GALNT13: variants seen among roughly 807,000 people sequenced by gnomAD.
The protein encoded by GALNT13 is UDP-GalNAc:polypeptide N-acetylgalactosaminyltransferase 13.
A neutral mutation model predicts 64.2 loss-of-function variants in GALNT13; 28 were observed. The ratio of observed to expected loss-of-function variants is 0.44; its 90% CI spans 0.32 to 0.60. GALNT13 has a LOEUF of 0.60. Ranked by LOEUF, GALNT13 falls within the 20% of genes least tolerant of loss-of-function variation. GALNT13 has a pLI of 0.05. For synonymous variants in GALNT13, 214 were observed against 224.6 expected, an observed-to-expected ratio of 0.95 and a Z score of 0.42; for missense variants, 577 against 669.8, an observed-to-expected ratio of 0.86 and a Z score of 1.53.
intron 4 of GALNT13, among the ~76,000 whole-genome samples, chr2:154,209,760 G>A (rs1687664670): frequency 6.6e-6 from 1 of 151,980 alleles, no homozygotes; most frequent in Admixed American, 6.6e-5. Flanking sequence ...GTATGTTTTT[G>A]TGAGGTAAAT....
chr2:154,398,116 G>A (rs1699139912), intron 10 of GALNT13, among the ~76,000 whole-genome samples: 5 of 152,154 alleles, frequency 3.3e-5, no homozygotes, highest in Admixed American at 3.3e-4. Flanking sequence ...TCACTTTATT[G>A]AAAATTTGTT....
chr2:153,233,907 C>T, the GALNT13 span, among the ~76,000 whole-genome samples: 69,885 of 151,904 alleles, frequency 0.46, 16,442 homozygotes, highest in Non-Finnish European at 0.51. Flanking sequence ...ATTTTGCTAA[C>T]TAGAATTATA....
At chr2:153,794,623 C>T in the GALNT13 span, among the ~76,000 whole-genome samples, 6 of 151,648 alleles carry the variant, frequency 4.0e-5, no homozygotes, top group African/African-American at 7.3e-5. Context: ...CAGGTTCAAT[C>T]GATTCTCCTG....
At chr2:154,002,447 G>A (rs986567371) in intron 3 of GALNT13, among the ~76,000 whole-genome samples, 1 of 151,772 alleles carries the variant, frequency 6.6e-6, no homozygotes, top group African/African-American at 2.4e-5. Flanking sequence ...TGCTGTTGAA[G>A]ATTTCTGGTG....
chr2:154,052,326 A>G (rs13004254), intron 3 of GALNT13, among the ~76,000 whole-genome samples: 49,619 of 151,988 alleles, frequency 0.33, 9,049 homozygotes, highest in Middle Eastern at 0.53. Flanking sequence ...ACTCATCTCC[A>G]TACATTCTAT....
the GALNT13 span, among the ~76,000 whole-genome samples, chr2:153,295,380 T>G: frequency 6.6e-6 from 1 of 152,164 alleles, no homozygotes; most frequent in African/African-American, 2.4e-5. Context: ...ATCGTTTATC[T>G]CACATTACAG....
the GALNT13 span, among the ~76,000 whole-genome samples, chr2:153,673,255 A>G: frequency 6.6e-6 from 1 of 152,178 alleles, no homozygotes; most frequent in Non-Finnish European, 1.5e-5. Flanking sequence ...GACACAACAA[A>G]AAAAGAGAAT....
chr2:153,596,646 T>C, the GALNT13 span, among the ~76,000 whole-genome samples: 1 of 152,120 alleles, frequency 6.6e-6, no homozygotes, highest in African/African-American at 2.4e-5. Context: ...AAATAACATG[T>C]TTTTAACATG....
chr2:153,080,031 A>G, the GALNT13 span, among the ~76,000 whole-genome samples: 1 of 152,134 alleles, frequency 6.6e-6, no homozygotes, highest in African/African-American at 2.4e-5. Flanking sequence ...CTAAGTTTTC[A>G]AATTTATTTG....
chr2:154,025,763 G>A (rs907984149), intron 3 of GALNT13, among the ~76,000 whole-genome samples: 2 of 152,176 alleles, frequency 1.3e-5, no homozygotes, highest in African/African-American at 4.8e-5. Context: ...CAGCTTTACA[G>A]TGAGAAAGAC....
the GALNT13 span, among the ~76,000 whole-genome samples, chr2:153,836,503 C>CT: frequency 7.5e-4 from 109 of 145,676 alleles, no homozygotes; most frequent in Admixed American, 9.0e-4. Context: ...AACCATTGTT[C>CT]TTTTTTTTTT....
At chr2:153,791,680 C>T in the GALNT13 span, among the ~76,000 whole-genome samples, 1 of 152,030 alleles carries the variant, frequency 6.6e-6, no homozygotes, top group Non-Finnish European at 1.5e-5. Flanking sequence ...ACCTAAATGC[C>T]CATCAGTGGT....
At chr2:153,751,227 C>T in the GALNT13 span, among the ~76,000 whole-genome samples, 1 of 151,994 alleles carries the variant, frequency 6.6e-6, no homozygotes, top group East Asian at 1.9e-4. Context: ...TGTGACCTAA[C>T]ATATGATCTG....
chr2:153,568,143 G>C, the GALNT13 span, among the ~76,000 whole-genome samples: 12 of 152,206 alleles, frequency 7.9e-5, no homozygotes, highest in African/African-American at 1.9e-4. Flanking sequence ...TAAAGGAAAA[G>C]TTGTTTAACA....
the GALNT13 span, among the ~76,000 whole-genome samples, chr2:153,165,964 TC>T: frequency 6.6e-6 from 1 of 152,334 alleles, no homozygotes; most frequent in East Asian, 1.9e-4. Context: ...AGTGCCATGA[TC>T]TTAATGTCTA....
chr2:154,365,942 AG>A (rs1697338825), intron 9 of GALNT13, among the ~76,000 whole-genome samples: 2 of 152,178 alleles, frequency 1.3e-5, no homozygotes, highest in African/African-American at 4.8e-5. Context: ...TCTGGCCATT[AG>A]TGTGAAGTCA....
the GALNT13 span, among the ~76,000 whole-genome samples, chr2:153,314,443 C>T: frequency 6.6e-6 from 1 of 152,094 alleles, no homozygotes; most frequent in African/African-American, 2.4e-5. Context: ...ACCAAAAAGA[C>T]ACCTATAGAA....
chr2:153,672,029 C>T, the GALNT13 span, among the ~76,000 whole-genome samples: 85 of 152,194 alleles, frequency 5.6e-4, no homozygotes, highest in African/African-American at 1.5e-3. Flanking sequence ...TCACCCAATA[C>T]AGGAGCACCC....
the GALNT13 span, chr2:153,478,231 G>A: frequency 2.5e-6 from 4 of 1,605,722 alleles, no homozygotes; most frequent in Admixed American, 3.4e-5. Context: ...GGGGCAGAGG[G>A]CGGGTCAGTA....
Sources: gnomAD v4.1 joint callset for allele counts (sites outside exome capture counted in the v4.1 genomes callset) on GRCh38, gnomAD v4.1.1 for gene constraint, MANE v1.5 for transcripts, NCBI Gene and HGNC (gene_info 2026-07-23, HGNC 2026-07-21) for gene names.